Variants in RASIP1 observed in about 807,000 individuals in gnomAD.
The protein encoded by RASIP1 is Ras interacting protein 1.
A neutral mutation model predicts 85.3 loss-of-function variants in RASIP1; 20 were observed. That is an observed-to-expected ratio of 0.23 (90% CI 0.17 to 0.34). The LOEUF is 0.34. Among genes scored for constraint, RASIP1 ranks in the 10% least tolerant of loss-of-function variants. RASIP1 has a pLI of 1.00. For synonymous variants in RASIP1, 617 were observed against 647.1 expected (o/e 0.95, Z 0.71); for missense variants, 1,170 against 1,390.9 (o/e 0.84, Z 2.53).
At chr19:48,721,591 A>G (rs2033245538) in intron 11 of RASIP1, among the ~76,000 whole-genome samples, 1 of 152,170 alleles carries the variant, frequency 6.6e-6, no homozygotes, top group Non-Finnish European at 1.5e-5. Context: ...TCACGAGGTC[A>G]GGAGTTCGAG....
chr19:48,731,146 T>C (rs2033450163), intron 4 of RASIP1, among the ~76,000 whole-genome samples: 2 of 152,178 alleles, frequency 1.3e-5, no homozygotes. Context: ...AGGTGGCTCA[T>C]GCCTATAATC....
At chr19:48,731,702 C>G (rs1388642339) in intron 4 of RASIP1, among the ~76,000 whole-genome samples, 1 of 152,218 alleles carries the variant, frequency 6.6e-6, no homozygotes, top group Non-Finnish European at 1.5e-5. Context: ...ACACTAAATT[C>G]TACCATTACC....
chr19:48,720,788 G>A lies in RASIP1; in HGVS notation c.*10C>T, dbSNP rs544427140. 10 of 1,613,652 alleles carry A rather than the reference G, an allele frequency of 6.2e-6. No homozygotes were observed. Among genetic ancestry groups the A allele is most frequent in the South Asian group, 4.4e-5 (4 of 91,076 alleles). ...ATTTCAAGGTTCGCGCGCTCGTTTGGTATTGGTTCTCAAGGAGACGTGGCC... is the reference window on the plus strand; with the variant it reads ...ATTTCAAGGTTCGCGCGCTCGTTTGATATTGGTTCTCAAGGAGACGTGGCC... On this transcript the variant is annotated 3_prime_UTR_variant, in exon 12 of 12. Transcript: ENST00000222145.
At chr19:48,722,118 G>T in intron 10 of RASIP1, 117 bp from the exon 11 acceptor site, 2 of 1,035,602 alleles carry the variant, frequency 1.9e-6, no homozygotes, top group Non-Finnish European at 2.6e-6. Flanking sequence ...TCTCTGCAGT[G>T]TCTTCTGGGC....
intron 4 of RASIP1, among the ~76,000 whole-genome samples, chr19:48,732,761 A>G (rs561446710): frequency 5.9e-5 from 9 of 152,260 alleles, no homozygotes; most frequent in African/African-American, 1.9e-4. Context: ...CCCCACAAGG[A>G]GGAATGAATT....
Position 48,720,899 on chromosome 19 carries a change from G to T in RASIP1, c.2791C>A (p.His931Asn). 6.2e-7 allele frequency: 1 copy of T among 1,613,956 alleles called. No homozygotes were observed. The highest frequency in any genetic ancestry group is 8.5e-7 in the Non-Finnish European group (1 of 1,180,006). Residue 931 changes from histidine to asparagine, a missense_variant, in exon 12 of 12, where the codon CAC becomes AAC. His to Asn is a moderately conservative substitution (Grantham distance 68, BLOSUM62 1). Coordinates refer to ENST00000222145, the MANE Select transcript of RASIP1 (RefSeq NM_017805.3). ...LTGPVTDDAL[H>N]RELRRLRRLL... Reference sequence around the variant, plus strand: ...CGGCGGAGCCTACGGAGTTCACGGTGCAAGGCATCGTCCGTCACTGGACCA... The same window carrying T: ...CGGCGGAGCCTACGGAGTTCACGGTTCAAGGCATCGTCCGTCACTGGACCA...
Position 48,740,392 on chromosome 19 carries a change from C to T in RASIP1, c.-4-106G>A. The T allele has an allele frequency of 6.9e-7, 1 of 1,446,712 alleles. No homozygotes were observed. The highest frequency in any genetic ancestry group is 9.2e-7 in the Non-Finnish European group (1 of 1,090,118). 89.6% of individuals were successfully genotyped at this position (1,446,712 alleles called of 1,614,324 possible). A position where few individuals can be genotyped will look rare whatever the true frequency, so the allele number is the denominator to read the frequency against. On this transcript the variant is annotated intron_variant, in intron 1 of 11. Coordinates refer to ENST00000222145, the MANE Select transcript of RASIP1 (RefSeq NM_017805.3). This position sits in a 1 kb window ranked among gnomAD's most constrained non-coding sequence, Gnocchi z 5.5. ...AGGGAGGAGGGGGCTGGGGCTCAGA[C>T]TTGCGAGTCCAGGGGGAGGAGAGGG...
chr19:48,738,926 G>A lies in RASIP1; in HGVS notation c.823+34C>T, dbSNP rs1443535500. The A allele has an allele frequency of 1.5e-6, 1 of 668,652 alleles. No homozygotes were observed. The highest frequency in any genetic ancestry group is 1.7e-6 in the Non-Finnish European group (1 of 573,690). 41.4% of individuals were successfully genotyped at this position (668,652 alleles called of 1,614,324 possible). The stretch of plus-strand genomic sequence containing the variant: ...CCACGGACCCCGCCTCTCTGGCACC[G>A]AGTCCCCGCCCCAGAGCCCCGCCCG... On this transcript the variant is annotated intron_variant, in intron 3 of 11. Transcript: ENST00000222145. This position sits in a 1 kb window ranked among gnomAD's most constrained non-coding sequence, Gnocchi z 4.0.
At chr19:48,736,947 G>T (rs1317553566) in intron 3 of RASIP1, among the ~76,000 whole-genome samples, 3 of 152,152 alleles carry the variant, frequency 2.0e-5, no homozygotes, top group Non-Finnish European at 2.9e-5. Context: ...TGAGGCAGGA[G>T]AATTGCTTGA....
At chr19:48,734,276 CAG>C (rs368242550) in intron 4 of RASIP1, among the ~76,000 whole-genome samples, 58 of 151,260 alleles carry the variant, frequency 3.8e-4, no homozygotes, top group African/African-American at 1.2e-3. Context: ...GCCTGGGCGA[CAG>C]AGAGAGACTC....
chr19:48,721,020 G>T, intron 11 of RASIP1, 23 bp from the exon 12 acceptor site: 2 of 1,557,350 alleles, frequency 1.3e-6, no homozygotes, highest in African/African-American at 1.3e-5. Flanking sequence ...AGGCGGCGCG[G>T]TTAGAGTCTG....
rs1191500668 is a variant in RASIP1 at position 48,720,780 on chromosome 19, C to G, written c.*18G>C. ...CCCGTGACATTTCAAGGTTCGCGCG[C>G]TCGTTTGGTATTGGTTCTCAAGGAG... is the stretch of plus-strand genomic sequence containing the variant. On this transcript the variant is annotated 3_prime_UTR_variant, in exon 12 of 12. Coordinates refer to ENST00000222145, the MANE Select transcript of RASIP1 (RefSeq NM_017805.3). The G allele has an allele frequency of 1.2e-6, 2 of 1,612,900 alleles. No individual in the cohort carries two copies. Among genetic ancestry groups the G allele is most frequent in the African/African-American group, 2.7e-5 (2 of 75,020 alleles).
In RASIP1 at chr19:48,739,665, C is replaced by G. The variant is rs1247214279; in HGVS notation, c.138-20G>C. 1.4e-6 allele frequency: 2 copies of G among 1,381,300 alleles called. No individual in the cohort carries two copies. The highest frequency in any genetic ancestry group is 3.1e-5 in the South Asian group (2 of 63,968). The allele number at this position is 1,381,300 out of a possible 1,614,324, so 85.6% of individuals were successfully genotyped here. On this transcript the variant is annotated intron_variant, in intron 2 of 11. Coordinates refer to ENST00000222145, the MANE Select transcript of RASIP1 (RefSeq NM_017805.3). This position sits in a 1 kb window ranked among gnomAD's most constrained non-coding sequence, Gnocchi z 9.2. ...GAAGACCTGGGAGTCCGCCGGGGAA[C>G]AGAGTCGCGGGAGAGAGACCCAGGA...
chr19:48,729,482 C>G lies in RASIP1; in HGVS notation c.1288G>C (p.Ala430Pro). The part of the protein sequence containing the change: ...PAPYVDTFLN[A>P]PDILPRHCTV... ...CAGTGACGCGGCAGGATGTCCGGGG[C>G]GTTGAGGAAGGTGTCCACATAGGGA... The change falls in exon 5 of 12, where the codon GCC (alanine) becomes CCC (proline). Residue 430 changes from alanine to proline, a missense_variant. Physicochemically the swap from Ala to Pro is conservative, Grantham distance 27. Transcript: ENST00000222145. 1 of 1,581,708 alleles carries G rather than the reference C, an allele frequency of 6.3e-7. No homozygotes were observed. Among genetic ancestry groups the G allele is most frequent in the Non-Finnish European group, 8.6e-7 (1 of 1,164,748 alleles).
At position 48,739,574 on chromosome 19, in the gene RASIP1, C is replaced by T. The variant is rs2033632745; in HGVS notation, c.209G>A (p.Arg70Gln). 1.3e-6 allele frequency: 2 copies of T among 1,495,762 alleles called. No homozygotes were observed. Among genetic ancestry groups the T allele is most frequent in the African/African-American group, 1.4e-5 (1 of 70,528 alleles). The allele number at this position is 1,495,762 out of a possible 1,614,324, so 92.7% of individuals were successfully genotyped here. A position where few individuals can be genotyped will look rare whatever the true frequency, so the allele number is the denominator to read the frequency against. Residue 70 changes from arginine (R) to glutamine (Q), a missense_variant, in exon 3 of 12, where the codon CGG becomes CAG. Physicochemically the swap from Arg to Gln is conservative, Grantham distance 43. Coordinates refer to ENST00000222145, the MANE Select transcript of RASIP1 (RefSeq NM_017805.3). The surrounding 1 kb of genome is among the most constrained non-coding windows in gnomAD (Gnocchi z 9.2). ...GGCCGCCTTGACAGCGCCCACTCGC[C>T]GCAGCTCCACGTGCGGCGGGGGCGG... ...LPPPPPHVEL[R>Q]RVGAVKAAGG...
At chr19:48,729,629 A>AATCC (rs2033410660) in intron 4 of RASIP1, 39 bp from the exon 5 acceptor site, 1 of 1,531,728 alleles carries the variant, frequency 6.5e-7, no homozygotes. Context: ...ACATCACTTC[A>AATCC]ATCCATATCT....
At chr19:48,728,277 T>A (rs960871696) in intron 5 of RASIP1, among the ~76,000 whole-genome samples, 1 of 152,186 alleles carries the variant, frequency 6.6e-6, no homozygotes, top group Non-Finnish European at 1.5e-5. Flanking sequence ...CCAAGCCCAA[T>A]GGGCTGCGGT....
chr19:48,724,237 G>C lies in RASIP1; in HGVS notation c.2544+100C>G, dbSNP rs553482091. On this transcript the variant is annotated intron_variant, in intron 10 of 11. Transcript: ENST00000222145. This position sits in a 1 kb window ranked among gnomAD's most constrained non-coding sequence, Gnocchi z 4.6. ...TGAGCTGGGGCTGGGGATGGCATGG[G>C]GTTCAAGGGGAGCTCTGACGGTGAG... The C allele has an allele frequency of 3.5e-5, 45 of 1,292,940 alleles. No homozygotes were observed. The African/African-American group carries it at 6.2e-4, about 18-fold the overall frequency. 80.1% of individuals were successfully genotyped at this position (1,292,940 alleles called of 1,614,324 possible).
At position 48,720,929 on chromosome 19, in the gene RASIP1, G is replaced by C. The variant is rs749060514; in HGVS notation, c.2761C>G (p.Leu921Val). 1.9e-6 allele frequency: 3 copies of C among 1,613,612 alleles called. No homozygotes were observed. The Admixed American group carries it at 5.0e-5, about 27-fold the overall frequency. Residue 921 changes from leucine to valine, a missense_variant, in exon 12 of 12, where the codon CTC becomes GTC. Coordinates refer to ENST00000222145, the MANE Select transcript of RASIP1 (RefSeq NM_017805.3). Reference protein sequence around the residue: ...ILPLGSSRLRLTGPVTDDALH... With the variant: ...ILPLGSSRLRVTGPVTDDALH... ...GCATCGTCCGTCACTGGACCAGTGA[G>C]GCGCAGGCGCGAGCTCCCCAGGGGG...
Sources: gnomAD v4.1 joint callset for allele counts (sites outside exome capture counted in the v4.1 genomes callset) on GRCh38, gnomAD v4.1.1 for gene constraint, Gnocchi (gnomAD v3.1) non-coding constraint, MANE v1.5 for transcripts, NCBI Gene and HGNC (gene_info 2026-07-23, HGNC 2026-07-21) for gene names.